The following SRSF5 variants were observed in gnomAD, a reference collection of about 807,000 sequenced individuals.
SRSF5 encodes serine and arginine rich splicing factor 5.
Under a neutral mutation model 34.0 loss-of-function variants are expected in SRSF5, and 5 were observed. The observed-to-expected ratio is 0.15, with a 90% CI of 0.08 to 0.31. The LOEUF (loss-of-function observed/expected upper bound fraction) is 0.31. SRSF5 is among the 10% of genes least tolerant of loss of function. SRSF5 has a pLI of 1.00. For synonymous variants in SRSF5, 164 were observed against 117.7 expected (o/e 1.39, Z -2.55); for missense variants, 223 against 351.4 (o/e 0.63, Z 2.92).
In SRSF5 at chr14:69,771,103, C is replaced by T. The variant is rs1420874421; in HGVS notation, c.549C>T (p.His183=). The T allele has an allele frequency of 1.2e-6, 2 of 1,613,350 alleles. No individual in the cohort carries two copies. The highest frequency in any genetic ancestry group is 1.7e-6 in the Non-Finnish European group (2 of 1,179,780). The change falls in exon 7 of 8, where the codon CAC becomes CAT. Residue 183 remains histidine (H), a splice_region_variant and synonymous_variant. Coordinates refer to ENST00000557154, the MANE Select transcript of SRSF5 (RefSeq NM_001320214.2). ...AATTAATTGAAGGCAGCAAAAGGCA[C>T]AGGTATCTCTAATTTTTTAAAGTCA... The part of the protein sequence containing the change: ...KIKLIEGSKR[H]SRSRSRSRSR...
At chr14:69,767,526 A>G (rs1882623097) in intron 1 of SRSF5, 2 of 455,794 alleles carry the variant, frequency 4.4e-6, no homozygotes, top group South Asian at 3.1e-5. Context: ...GACACGTAGA[A>G]TAGTGGGCCG....
chr14:69,771,247 G>GCCGATCCCGTTC lies in SRSF5; in HGVS notation c.609_620dup (p.Ser206_Arg209dup). 6.2e-7 allele frequency: 1 copy of GCCGATCCCGTTC among 1,614,130 alleles called. No individual in the cohort carries two copies. The highest frequency in any genetic ancestry group is 8.5e-7 in the Non-Finnish European group (1 of 1,180,034). ...ACCAGAAGTTCCTCTAGGTCTCGTA[G>GCCGATCCCGTTC]CCGATCCCGTTCCCGTAGTCGCAAA... On this transcript the variant is annotated inframe_insertion, in exon 8 of 8. Coordinates refer to ENST00000557154, the MANE Select transcript of SRSF5 (RefSeq NM_001320214.2).
intron 6 of SRSF5, 131 bp downstream of exon 6, chr14:69,770,671 C>T (rs1330174674): frequency 1.2e-6 from 1 of 833,030 alleles, no homozygotes. Flanking sequence ...CTGCTTCCCT[C>T]CTCCCCCCCA....
chr14:69,767,528 A>G (rs1047447619), intron 1 of SRSF5: 2 of 455,664 alleles, frequency 4.4e-6, no homozygotes, highest in Non-Finnish European at 8.8e-6. Flanking sequence ...CACGTAGAAT[A>G]GTGGGCCGGG....
Position 69,768,592 on chromosome 14 carries a change from C to CTT in SRSF5, c.127-11_127-10dup. Reference sequence around the variant, plus strand: ...TAAAGCCAATGTTAAGAGTCTTATGCTTACATTTTAGGAATTTGAGGATCC... The same window carrying CTT: ...TAAAGCCAATGTTAAGAGTCTTATGCTTTTACATTTTAGGAATTTGAGGATCC... On this transcript the variant is annotated splice_polypyrimidine_tract_variant and intron_variant, in intron 2 of 7. Coordinates refer to ENST00000557154, the MANE Select transcript of SRSF5 (RefSeq NM_001320214.2). The CTT allele has an allele frequency of 6.2e-7, 1 of 1,613,450 alleles. No homozygotes were observed. The highest frequency in any genetic ancestry group is 1.7e-4 in the Middle Eastern group (1 of 6,058).
chr14:69,771,409 G>C lies in SRSF5; in HGVS notation c.767G>C (p.Arg256Pro), dbSNP rs758996473. ...TCTAAGTCTCCAGCATCTGTGGATC[G>C]CCAGAGGTCCCGGTCCCGATCAAGG... ...SRSKSPASVD[R>P]QRSRSRSRSR... The change falls in exon 8 of 8, where the codon CGC becomes CCC. Residue 256 changes from arginine to proline, a missense_variant. Arg to Pro is a moderately radical substitution (Grantham distance 103). Coordinates refer to ENST00000557154, the MANE Select transcript of SRSF5 (RefSeq NM_001320214.2). 6.2e-7 allele frequency: 1 copy of C among 1,614,076 alleles called. No homozygotes were observed. Among genetic ancestry groups the C allele is most frequent in the Non-Finnish European group, 8.5e-7 (1 of 1,180,042 alleles).
chr14:69,767,749 CT>C, intron 1 of SRSF5: 1 of 355,818 alleles, frequency 2.8e-6, no homozygotes, highest in South Asian at 2.1e-5. Context: ...GAGATTCTGG[CT>C]TCCACCCGCT....
At chr14:69,769,668 C>T (rs1484599020) in intron 5 of SRSF5, 9 of 1,504,900 alleles carry the variant, frequency 6.0e-6, no homozygotes, top group Middle Eastern at 3.4e-4. Context: ...TAGACGTTAT[C>T]GGTGCACTTC....
At position 69,771,649 on chromosome 14, in the gene SRSF5, T is replaced by C. The variant is rs550963507; in HGVS notation, c.*188T>C. 163 of 649,038 alleles carry C rather than the reference T, an allele frequency of 2.5e-4. 4 individuals are homozygous for C. In the South Asian group the frequency reaches 3.0e-3, roughly 12 times the overall value. The allele number at this position is 649,038 out of a possible 1,614,324, so 40.2% of individuals were successfully genotyped here. A position where few individuals can be genotyped will look rare whatever the true frequency, so the allele number is the denominator to read the frequency against. ...CCAAGGGGTTGTTGAAAACTAATTG[T>C]ATTAAATGTCTTTTGATAAGCCTTC... On this transcript the variant is annotated 3_prime_UTR_variant, in exon 8 of 8. Transcript: ENST00000557154.
intron 5 of SRSF5, chr14:69,770,194 TC>T (rs1883034360): frequency 1.8e-6 from 2 of 1,126,742 alleles, no homozygotes; most frequent in Non-Finnish European, 2.2e-6. Flanking sequence ...TGTTTTTTTT[TC>T]TTTTGTACTG....
At chr14:69,769,853 T>A in intron 5 of SRSF5, 1 of 1,259,746 alleles carries the variant, frequency 7.9e-7, no homozygotes. Context: ...CCTTGGTAAC[T>A]GCTCGAGTAG....
rs780387436 is a variant in SRSF5 at position 69,768,684 on chromosome 14, CTG to C, written c.197+14_197+15del. On this transcript the variant is annotated intron_variant, in intron 3 of 7. Transcript: ENST00000557154. ...AACTCTGTAGTGAAAGGTGAGATTCCTGTGTAACTAGATAACCCTGGGACATA... is the reference window on the plus strand; with the variant it reads ...AACTCTGTAGTGAAAGGTGAGATTCCTGTAACTAGATAACCCTGGGACATA... The C allele has an allele frequency of 5.0e-6, 8 of 1,613,856 alleles. No individual in the cohort carries two copies. The African/African-American group carries it at 9.3e-5, about 19-fold the overall frequency.
At chr14:69,770,929 C>A in intron 6 of SRSF5, 66 bp from the exon 7 acceptor site, 1 of 1,358,222 alleles carries the variant, frequency 7.4e-7, no homozygotes, top group Non-Finnish European at 1.0e-6. Context: ...CTTACCTAGA[C>A]TGCTGTGTGC....
At chr14:69,769,568 T>C in intron 5 of SRSF5, 1 of 1,535,458 alleles carries the variant, frequency 6.5e-7, no homozygotes. Flanking sequence ...CTAATCGTTG[T>C]CTTGGTCACT....
At chr14:69,769,951 G>T in intron 5 of SRSF5, 1 of 1,064,538 alleles carries the variant, frequency 9.4e-7, no homozygotes, top group Non-Finnish European at 1.1e-6. Context: ...CTTCAAGTGG[G>T]TGGCGAAGAG....
intron 4 of SRSF5, 26 bp downstream of exon 4, chr14:69,768,922 T>C (rs562772953): frequency 1.2e-5 from 19 of 1,601,530 alleles, no homozygotes; most frequent in Admixed American, 3.3e-5. Context: ...ATGGCTGCAT[T>C]GAACAATTAT....
At chr14:69,769,369 G>T in intron 5 of SRSF5, 118 bp downstream of exon 5, 1 of 1,505,682 alleles carries the variant, frequency 6.6e-7, no homozygotes, top group Admixed American at 2.2e-5. Context: ...TAATGGAATT[G>T]TAATTTTAAA....
chr14:69,767,946 G>A, intron 1 of SRSF5, 192 bp from the exon 2 acceptor site: 1 of 564,898 alleles, frequency 1.8e-6, no homozygotes, highest in Non-Finnish European at 3.1e-6. Context: ...GCCCAGTAGC[G>A]GACCGTGTTG....
At chr14:69,769,546 C>T in intron 5 of SRSF5, 1 of 1,535,384 alleles carries the variant, frequency 6.5e-7, no homozygotes. Context: ...CGAGGAGTGC[C>T]TGTGGGTTAT....
Sources: allele counts gnomAD v4.1 joint callset, GRCh38; gene constraint gnomAD v4.1.1; transcripts MANE v1.5; gene names NCBI Gene and HGNC (gene_info 2026-07-23, HGNC 2026-07-21).